The following EARS2 variants were observed in gnomAD, a reference collection of about 807,000 sequenced individuals.
EARS2 encodes nondiscriminating glutamyl-tRNA synthetase EARS2, mitochondrial.
A neutral mutation model predicts 54.1 loss-of-function variants in EARS2; 50 were observed. That is an observed-to-expected ratio of 0.92 (90% CI 0.74 to 1.17). The LOEUF (loss-of-function observed/expected upper bound fraction) is 1.17, where lower values mean the gene tolerates loss of function less well. EARS2 is among the 50% of genes most tolerant of loss of function. The probability of loss-of-function intolerance (pLI) is 0.00; values close to 1 mark genes in which losing one functional copy is unlikely to be tolerated. For missense variants in EARS2, 673 were observed against 675.0 expected (o/e 1.00, Z 0.03); for synonymous variants, 298 against 281.0 (o/e 1.06, Z -0.61).
chr16:23,550,358 TTTTG>T (rs1421515872), intron 2 of EARS2, among the ~76,000 whole-genome samples: 3 of 150,656 alleles, frequency 2.0e-5, no homozygotes, highest in South Asian at 4.2e-4. Context: ...CAGAGCAAGA[TTTTG>T]TTTGTTAAAA....
chr16:23,557,077 T>C, intron 1 of EARS2, 128 bp downstream of exon 1: 1 of 1,378,378 alleles, frequency 7.3e-7, no homozygotes. Flanking sequence ...TAAAATGGGC[T>C]CGCGCTGCCT....
chr16:23,538,432 C>T (rs1160670218), intron 3 of EARS2, among the ~76,000 whole-genome samples: 4 of 152,216 alleles, frequency 2.6e-5, no homozygotes, highest in Admixed American at 1.3e-4. Flanking sequence ...AGCCACCGTG[C>T]CTGGCTTCTA....
Position 23,535,240 on chromosome 16 carries a change from G to C in EARS2, c.606C>G (p.Val202=), listed in dbSNP as rs2073951. 0.84 allele frequency: 1,358,846 copies of C among 1,612,832 alleles called. 573,703 individuals carry two copies. Among genetic ancestry groups the C allele is most frequent in the Middle Eastern group, 0.88 (5,008 of 5,682 alleles). ...CCACTTCATGCCTATTCCAGCCATA[G>C]ACCAGGTCCTGGAAGGCTGGCACCA... The part of the protein sequence containing the change: ...EQVVPAFQDL[V]YGWNRHEVAS... Residue 202 remains valine (V), a synonymous_variant, in exon 4 of 9, where the codon GTC becomes GTG. Transcript: ENST00000449606.
At chr16:23,526,712 G>C (rs1965234783) in intron 7 of EARS2, among the ~76,000 whole-genome samples, 1 of 152,156 alleles carries the variant, frequency 6.6e-6, no homozygotes, top group Non-Finnish European at 1.5e-5. Context: ...AACTTGCTAT[G>C]GCCATTCTTC....
chr16:23,549,105 C>T (rs184140509), intron 2 of EARS2, among the ~76,000 whole-genome samples: 2 of 152,254 alleles, frequency 1.3e-5, no homozygotes, highest in Non-Finnish European at 2.9e-5. Flanking sequence ...AGCTGTAACA[C>T]GCTCCCGCTC....
chr16:23,542,533 C>T (rs893633954), intron 3 of EARS2, among the ~76,000 whole-genome samples: 16 of 151,598 alleles, frequency 1.1e-4, no homozygotes, highest in Non-Finnish European at 2.1e-4. Flanking sequence ...CCAGGCTGGT[C>T]CTGAACTCTT....
Position 23,529,518 on chromosome 16 carries a change from C to A in EARS2, c.1336G>T (p.Ala446Ser), listed in dbSNP as rs959119286. 19 of 1,613,994 alleles carry A rather than the reference C, an allele frequency of 1.2e-5. No individual in the cohort carries two copies. Among genetic ancestry groups the A allele is most frequent in the Non-Finnish European group, 1.6e-5 (19 of 1,179,950 alleles). The change falls in exon 7 of 9, where the codon GCC becomes TCC. Residue 446 changes from alanine to serine, a missense_variant. Ala to Ser is a moderately conservative substitution (Grantham distance 99, BLOSUM62 1). Around this residue, in one of 3 missense-constraint regions of EARS2, gnomAD observed 338 missense variants for 361.2 expected, o/e 0.94. Coordinates refer to ENST00000449606, the MANE Select transcript of EARS2 (RefSeq NM_001083614.2). ...GGTACTCACCCCAGCACACGCTTGG[C>A]AATCACATCCACCTTCTCCGAGATG... ...DAISEKVDVI[A>S]KRVLGLLERS...
chr16:23,549,531 A>G (rs1832325667), intron 2 of EARS2, among the ~76,000 whole-genome samples: 1 of 152,172 alleles, frequency 6.6e-6, no homozygotes, highest in Non-Finnish European at 1.5e-5. Flanking sequence ...ATCACAGCTC[A>G]CTGCAGCCTC....
At chr16:23,537,062 G>T in intron 3 of EARS2, 1 of 244,710 alleles carries the variant, frequency 4.1e-6, no homozygotes. Flanking sequence ...GCAGCATTAT[G>T]TCTGAATCAA....
At chr16:23,544,367 A>G in intron 3 of EARS2, 147 bp downstream of exon 3, 1 of 752,116 alleles carries the variant, frequency 1.3e-6, no homozygotes, top group Non-Finnish European at 2.1e-6. Flanking sequence ...AGAATCCCTG[A>G]GCCAAAGAAA....
intron 2 of EARS2, among the ~76,000 whole-genome samples, chr16:23,548,911 T>C (rs939126690): frequency 2.0e-5 from 3 of 152,264 alleles, no homozygotes; most frequent in East Asian, 3.9e-4. Flanking sequence ...ATAAAAATGA[T>C]AGACTCAGCC....
chr16:23,521,739 A>T lies in EARS2; in HGVS notation c.*2632T>A, dbSNP rs1965144505. 2 of 455,886 alleles carry T rather than the reference A, an allele frequency of 4.4e-6. No homozygotes were observed. The allele number at this position is 455,886 out of a possible 1,614,324, so 28.2% of individuals were successfully genotyped here. A position where few individuals can be genotyped will look rare whatever the true frequency, so the allele number is the denominator to read the frequency against. Reference sequence around the variant, plus strand: ...TCCTAGAGGTTCATCCATGTTGTAGATATACCAGAATCGACTTAGTATTTT... The same window carrying T: ...TCCTAGAGGTTCATCCATGTTGTAGTTATACCAGAATCGACTTAGTATTTT... On this transcript the variant is annotated 3_prime_UTR_variant, in exon 9 of 9. Transcript: ENST00000449606.
At chr16:23,528,334 TC>T (rs1209960756) in intron 7 of EARS2, among the ~76,000 whole-genome samples, 3 of 152,166 alleles carry the variant, frequency 2.0e-5, no homozygotes, top group South Asian at 2.1e-4. Flanking sequence ...GCAGACACTC[TC>T]CCCAATGGCA....
At chr16:23,547,736 T>C (rs1965627498) in intron 2 of EARS2, among the ~76,000 whole-genome samples, 1 of 152,024 alleles carries the variant, frequency 6.6e-6, no homozygotes, top group African/African-American at 2.4e-5. Context: ...AACTCCTGAC[T>C]TTGTGATCCG....
At position 23,544,674 on chromosome 16, in the gene EARS2, C is replaced by G. The variant is rs769268790; in HGVS notation, c.325G>C (p.Gly109Arg). The stretch of plus-strand genomic sequence containing the variant: ...TGCTGGTAGGGCCCAGCAGGACCGC[C>G]CCGGCGGGGGCTCTCATCAGGCGGG... ...GIPPDESPRRGGPAGPYQQSQ... is the reference protein window; with the variant it reads ...GIPPDESPRRRGPAGPYQQSQ... The change falls in exon 3 of 9, where the codon GGC becomes CGC. Residue 109 changes from glycine to arginine, a missense_variant. Gly to Arg is a moderately radical substitution (Grantham distance 125). Coordinates refer to ENST00000449606, the MANE Select transcript of EARS2 (RefSeq NM_001083614.2). 6.8e-6 allele frequency: 11 copies of G among 1,607,474 alleles called. No individual in the cohort carries two copies. Among genetic ancestry groups the G allele is most frequent in the Non-Finnish European group, 9.3e-6 (11 of 1,177,922 alleles).
chr16:23,525,442 G>A (rs892554897), intron 7 of EARS2, 63 bp from the exon 8 acceptor site: 3 of 1,529,046 alleles, frequency 2.0e-6, no homozygotes, highest in Non-Finnish European at 2.7e-6. Flanking sequence ...TGGGAGGAAG[G>A]GCTTCAGAAG....
chr16:23,556,341 C>T (rs1201229911), intron 1 of EARS2, among the ~76,000 whole-genome samples: 1 of 152,208 alleles, frequency 6.6e-6, no homozygotes, highest in Non-Finnish European at 1.5e-5. Flanking sequence ...GCGATTTCCT[C>T]TACCCAGAAG....
intron 4 of EARS2, among the ~76,000 whole-genome samples, chr16:23,533,446 T>C (rs1361203004): frequency 1.3e-5 from 2 of 152,128 alleles, no homozygotes; most frequent in Non-Finnish European, 2.9e-5. Flanking sequence ...CCGCCCTCCT[T>C]CTACTTTCAA....
Position 23,522,056 on chromosome 16 carries a change from C to G in EARS2, c.*2315G>C. The G allele has an allele frequency of 6.3e-6, 2 of 319,748 alleles. No homozygotes were observed. Among genetic ancestry groups the G allele is most frequent in the Non-Finnish European group, 1.3e-5 (2 of 159,968 alleles). The allele number at this position is 319,748 out of a possible 1,614,324, so 19.8% of individuals were successfully genotyped here. A position where few individuals can be genotyped will look rare whatever the true frequency, so the allele number is the denominator to read the frequency against. ...AATTTACTGAGATGATGGACTAAGG[C>G]ATTTACGAGCATTATCTGACACCTG... On this transcript the variant is annotated 3_prime_UTR_variant, in exon 9 of 9. Transcript: ENST00000449606.
Sources: gnomAD v4.1 joint callset for allele counts (sites outside exome capture counted in the v4.1 genomes callset) on GRCh38, gnomAD v4.1.1 for gene constraint, gnomAD v4.1.1 regional missense constraint, MANE v1.5 for transcripts, NCBI Gene and HGNC (gene_info 2026-07-23, HGNC 2026-07-21) for gene names.